VPS13D: variants seen among roughly 807,000 people sequenced by gnomAD.
VPS13D encodes the protein vacuolar protein sorting 13 homolog D, also known as intermembrane lipid transfer protein VPS13D.
Under a neutral mutation model 461.9 loss-of-function variants are expected in VPS13D, and 187 were observed. The observed-to-expected ratio is 0.40, with a 90% CI of 0.36 to 0.46. The LOEUF is 0.46. Ranked by LOEUF, VPS13D falls within the 20% of genes least tolerant of loss-of-function variation. The pLI, the probability that VPS13D is intolerant of heterozygous loss-of-function variation, is 0.60. For missense variants in VPS13D, 4,711 were observed against 5,364.9 expected, an observed-to-expected ratio of 0.88 and a Z score of 3.81; for synonymous variants, 1,951 against 1,986.3, an observed-to-expected ratio of 0.98 and a Z score of 0.47.
intron 66 of VPS13D, among the ~76,000 whole-genome samples, chr1:12,459,316 C>T (rs894421768): frequency 2.0e-5 from 3 of 152,084 alleles, no homozygotes; most frequent in African/African-American, 4.8e-5. Flanking sequence ...GTATACAGGA[C>T]GGTGTGTGTA....
chr1:12,256,249 T>G (rs1160349830), intron 7 of VPS13D, 84 bp from the exon 8 acceptor site: 1 of 1,486,762 alleles, frequency 6.7e-7, no homozygotes, highest in Non-Finnish European at 9.1e-7. Context: ...CTCCACTGTT[T>G]GTCATAAAAC....
At chr1:12,478,241 C>T (rs1379139655) in intron 67 of VPS13D, among the ~76,000 whole-genome samples, 2 of 152,274 alleles carry the variant, frequency 1.3e-5, no homozygotes, top group Non-Finnish European at 2.9e-5. Context: ...GGCTGGCTTA[C>T]AGTACCGAAC....
chr1:12,431,878 C>T (rs1338128988), intron 65 of VPS13D, among the ~76,000 whole-genome samples: 1 of 152,058 alleles, frequency 6.6e-6, no homozygotes, highest in Non-Finnish European at 1.5e-5. Context: ...GACCTGCCCC[C>T]ATGAAAAGAA....
rs1175712145 is a variant in VPS13D at position 12,506,945 on chromosome 1, A to G, written c.12887A>G (p.Glu4296Gly). The G allele has an allele frequency of 1.2e-6, 2 of 1,614,152 alleles. No homozygotes were observed. Among genetic ancestry groups the G allele is most frequent in the Non-Finnish European group, 1.7e-6 (2 of 1,180,064 alleles). ...FLKSGDYVDR[E>G]AIFLEVKYDD... ...AAAAGTGGAGACTACGTGGATCGAG[A>G]AGCCATTTTCCTAGAAGTCAAATAC... The change falls in exon 69 of 70, where the codon GAA becomes GGA. Residue 4296 changes from glutamate to glycine, a missense_variant. Physicochemically the swap from Glu to Gly is moderately conservative, Grantham distance 98 (BLOSUM62 -2). Transcript: ENST00000620676.
chr1:12,414,233 G>A (rs915891850), intron 63 of VPS13D, among the ~76,000 whole-genome samples: 1 of 152,046 alleles, frequency 6.6e-6, no homozygotes, highest in Non-Finnish European at 1.5e-5. Flanking sequence ...GCAGTGAGCT[G>A]TGATTGTGCC....
intron 19 of VPS13D, among the ~76,000 whole-genome samples, chr1:12,278,567 G>A (rs1009061455): frequency 3.3e-5 from 5 of 152,208 alleles, no homozygotes. Context: ...GACCAGCCGC[G>A]CCCAGGCAGG....
intron 2 of VPS13D, among the ~76,000 whole-genome samples, chr1:12,237,684 G>C (rs1427928148): frequency 5.3e-5 from 8 of 151,552 alleles, no homozygotes; most frequent in Non-Finnish European, 1.2e-4. Flanking sequence ...AAAATTAGCT[G>C]GGTGTTGTGG....
intron 65 of VPS13D, among the ~76,000 whole-genome samples, chr1:12,448,903 G>A (rs1416677257): frequency 2.6e-5 from 4 of 152,198 alleles, no homozygotes; most frequent in Non-Finnish European, 4.4e-5. Context: ...AGAGAAACTT[G>A]CCAGTTCAGC....
chr1:12,368,516 A>G lies in VPS13D; in HGVS notation c.10497A>G (p.Arg3499=). 1 of 1,613,850 alleles carries G rather than the reference A, an allele frequency of 6.2e-7. No individual in the cohort carries two copies. The highest frequency in any genetic ancestry group is 8.5e-7 in the Non-Finnish European group (1 of 1,179,866). ...CFFLRVEITL[R]GATYRISFSD... ...TCCTACGAGTGGAAATTACTCTCCG[A>G]GGAGCTACGTATAGGATCTCATTTA... The change falls in exon 53 of 70, where the codon CGA becomes CGG. Residue 3499 remains arginine, a synonymous_variant. Coordinates refer to ENST00000620676, the MANE Select transcript of VPS13D (RefSeq NM_015378.4).
rs867428231 is a variant in VPS13D at position 12,358,715 on chromosome 1, T to G, written c.10141+114T>G. 8 of 1,340,948 alleles carry G rather than the reference T, an allele frequency of 6.0e-6. No homozygotes were observed. In the African/African-American group the frequency reaches 7.4e-5, roughly 12 times the overall value. The allele number at this position is 1,340,948 out of a possible 1,614,324, so 83.1% of individuals were successfully genotyped here. On this transcript the variant is annotated intron_variant, in intron 50 of 69. Coordinates refer to ENST00000620676, the MANE Select transcript of VPS13D (RefSeq NM_015378.4). ...TGACTACAAGTACTGATTTTCTTATTTGGCATTGGGTCAGGTATCTGTTCT... is the reference window on the plus strand; with the variant it reads ...TGACTACAAGTACTGATTTTCTTATGTGGCATTGGGTCAGGTATCTGTTCT...
At position 12,356,100 on chromosome 1, in the gene VPS13D, G is replaced by C; in HGVS notation, c.9871+10G>C. On this transcript the variant is annotated intron_variant, in intron 48 of 69. Transcript: ENST00000620676. ...CTGATTAACAAAACAGGTACATACAGGGGCTGCTCAAGTAGGTCTTTGGCG... is the reference window on the plus strand; with the variant it reads ...CTGATTAACAAAACAGGTACATACACGGGCTGCTCAAGTAGGTCTTTGGCG... 1 of 1,591,218 alleles carries C rather than the reference G, an allele frequency of 6.3e-7. No individual in the cohort carries two copies. The highest frequency in any genetic ancestry group is 1.1e-5 in the South Asian group (1 of 88,772).
At chr1:12,499,828 G>A (rs1241123722) in intron 68 of VPS13D, 1 of 985,280 alleles carries the variant, frequency 1.0e-6, no homozygotes, top group African/African-American at 1.7e-5. Context: ...GGTCTTCGCG[G>A]TGGAGTGAAC....
intron 23 of VPS13D, 54 bp from the exon 24 acceptor site, chr1:12,293,470 A>G (rs1241915009): frequency 6.7e-7 from 1 of 1,493,222 alleles, no homozygotes; most frequent in African/African-American, 1.4e-5. Flanking sequence ...TTTTCTTGAA[A>G]TACTAACTTG....
At chr1:12,469,637 G>A (rs1004270565) in intron 67 of VPS13D, among the ~76,000 whole-genome samples, 5 of 152,318 alleles carry the variant, frequency 3.3e-5, no homozygotes, top group African/African-American at 4.8e-5. Context: ...CGTAGGAGCC[G>A]CTGTAATGCA....
At chr1:12,396,459 T>C (rs184177345) in intron 60 of VPS13D, among the ~76,000 whole-genome samples, 29 of 152,318 alleles carry the variant, frequency 1.9e-4, no homozygotes, top group African/African-American at 6.7e-4. Flanking sequence ...TCAGAACAAC[T>C]TCTATCTGTT....
At chr1:12,384,415 G>A (rs1234857317) in intron 58 of VPS13D, among the ~76,000 whole-genome samples, 1 of 152,156 alleles carries the variant, frequency 6.6e-6, no homozygotes, top group Non-Finnish European at 1.5e-5. Flanking sequence ...TTTTGGACTT[G>A]TTGAGTTAAG....
intron 6 of VPS13D, among the ~76,000 whole-genome samples, chr1:12,250,385 T>C (rs1640695991): frequency 6.6e-6 from 1 of 152,302 alleles, no homozygotes; most frequent in Non-Finnish European, 1.5e-5. Context: ...AGGCTTTTTA[T>C]GAACAACAAT....
chr1:12,338,322 C>A lies in VPS13D; in HGVS notation c.8626+17C>A, dbSNP rs747259633. On this transcript the variant is annotated intron_variant, in intron 40 of 69. Coordinates refer to ENST00000620676, the MANE Select transcript of VPS13D (RefSeq NM_015378.4). ...ATGCTAGAGGTACAGTATAGCCAAG[C>A]GAGGGCTTGCTTTATTTTCCTGTTT... is the stretch of plus-strand genomic sequence containing the variant. 5 of 1,609,430 alleles carry A rather than the reference C, an allele frequency of 3.1e-6. No individual in the cohort carries two copies. Among genetic ancestry groups the A allele is most frequent in the Non-Finnish European group, 4.2e-6 (5 of 1,177,036 alleles).
intron 66 of VPS13D, among the ~76,000 whole-genome samples, 184 bp from the exon 67 acceptor site, chr1:12,460,017 T>G (rs72868301): frequency 0.01 from 1,521 of 151,170 alleles, 27 homozygotes; most frequent in African/African-American, 0.035. Flanking sequence ...ATATATCCTC[T>G]GACTCTGGAC....
Sources: gnomAD v4.1 joint callset for allele counts (sites outside exome capture counted in the v4.1 genomes callset) on GRCh38, gnomAD v4.1.1 for gene constraint, MANE v1.5 for transcripts, NCBI Gene and HGNC (gene_info 2026-07-23, HGNC 2026-07-21) for gene names.